Variants in ZDHHC18 observed in about 807,000 individuals in gnomAD.
ZDHHC18 encodes zDHHC palmitoyltransferase 18, also known as palmitoyltransferase ZDHHC18.
ZDHHC18 carries 23 observed loss-of-function variants against 37.5 expected under a neutral mutation model. That is an observed-to-expected ratio of 0.61 (90% CI 0.44 to 0.87). The LOEUF (loss-of-function observed/expected upper bound fraction) is 0.87, where lower values mean the gene tolerates loss of function less well. Ranked by LOEUF, ZDHHC18 falls within the 40% of genes least tolerant of loss-of-function variation. ZDHHC18 has a pLI of 0.00. For missense variants in ZDHHC18, 406 were observed against 525.6 expected, an observed-to-expected ratio of 0.77 and a Z score of 2.22; for synonymous variants, 185 against 218.7, an observed-to-expected ratio of 0.85 and a Z score of 1.36.
chr1:26,853,936 GC>G lies in ZDHHC18; in HGVS notation c.*95del. ...TATTCCATCCAAGGGAAGCAGAACT[GC>G]CAAAGACTCAAGTCTTTTCATATTT... On this transcript the variant is annotated 3_prime_UTR_variant, in exon 8 of 8. Transcript: ENST00000374142. The G allele has an allele frequency of 9.1e-7, 1 of 1,102,448 alleles. No individual in the cohort carries two copies. Among genetic ancestry groups the G allele is most frequent in the Non-Finnish European group, 1.4e-6 (1 of 739,946 alleles). The allele number at this position is 1,102,448 out of a possible 1,614,324, so 68.3% of individuals were successfully genotyped here.
chr1:26,827,119 C>G lies in ZDHHC18; in HGVS notation c.315C>G (p.Thr105=). 7.1e-7 allele frequency: 1 copy of G among 1,415,832 alleles called. No individual in the cohort carries two copies. The allele number at this position is 1,415,832 out of a possible 1,614,324, so 87.7% of individuals were successfully genotyped here. Reference sequence around the variant, plus strand: ...CGCTGCTGCTCATCCTCACCACCACCGGCCTCTTCTTCGTCTTTGAGTGAG... The same window carrying G: ...CGCTGCTGCTCATCCTCACCACCACGGGCCTCTTCTTCGTCTTTGAGTGAG... The part of the protein sequence containing the change: ...ALTLLLILTT[T]GLFFVFDCPY... Residue 105 remains threonine (T), a synonymous_variant, in exon 1 of 8, where the codon ACC becomes ACG. Coordinates refer to ENST00000374142, the MANE Select transcript of ZDHHC18 (RefSeq NM_032283.3).
chr1:26,829,537 C>A (rs1215505680), intron 1 of ZDHHC18, among the ~76,000 whole-genome samples: 2 of 152,156 alleles, frequency 1.3e-5, no homozygotes, highest in Non-Finnish European at 2.9e-5. Context: ...GCAAACCACT[C>A]CCCTCCTGCA....
Position 26,850,904 on chromosome 1 carries a change from C to G in ZDHHC18, c.834-225C>G, listed in dbSNP as rs893447226. Among the ~76,000 whole-genome samples the G allele has an allele frequency of 1.3e-5, 2 of 152,210 alleles. No individual in the cohort carries two copies. The highest frequency in any genetic ancestry group is 4.8e-5 in the African/African-American group (2 of 41,446). On this transcript the variant is annotated intron_variant, in intron 5 of 7. Transcript: ENST00000374142. This position sits in a 1 kb window ranked among gnomAD's most constrained non-coding sequence, Gnocchi z 6.1. The stretch of plus-strand genomic sequence containing the variant: ...TTGTGATTGGAACCCTCAGTTTTCT[C>G]TGCCGTCCATCACCCTGACCTTGTC...
At chr1:26,851,346 G>A (rs1260047008) in intron 6 of ZDHHC18, 115 bp downstream of exon 6, 1 of 997,400 alleles carries the variant, frequency 1.0e-6, no homozygotes, top group African/African-American at 1.6e-5. Flanking sequence ...CTGGGATAAT[G>A]CCTTTTAAGC....
intron 2 of ZDHHC18, among the ~76,000 whole-genome samples, chr1:26,838,657 T>G (rs2081624482): frequency 6.6e-6 from 1 of 152,264 alleles, no homozygotes; most frequent in African/African-American, 2.4e-5. Context: ...TAGAGATTGA[T>G]CAGCTTCTTA....
intron 1 of ZDHHC18, among the ~76,000 whole-genome samples, chr1:26,829,147 A>G (rs1020690961): frequency 6.6e-6 from 1 of 152,094 alleles, no homozygotes; most frequent in African/African-American, 2.4e-5. Context: ...GTTTGGGCCG[A>G]GAGCTCACCT....
intron 2 of ZDHHC18, among the ~76,000 whole-genome samples, chr1:26,840,153 C>T (rs1202356512): frequency 6.6e-6 from 1 of 152,140 alleles, no homozygotes; most frequent in Non-Finnish European, 1.5e-5. Flanking sequence ...GGCTTGGGTT[C>T]CCCTCTCCCC....
In ZDHHC18 at chr1:26,855,886, C is replaced by T. The variant is rs990131913; in HGVS notation, c.*2043C>T. 9.8e-6 allele frequency: 2 copies of T among 204,874 alleles called. No homozygotes were observed. Among genetic ancestry groups the T allele is most frequent in the South Asian group, 1.3e-4 (2 of 15,868 alleles). 12.7% of individuals were successfully genotyped at this position (204,874 alleles called of 1,614,324 possible). A position where few individuals can be genotyped will look rare whatever the true frequency, so the allele number is the denominator to read the frequency against. On this transcript the variant is annotated 3_prime_UTR_variant, in exon 8 of 8. Coordinates refer to ENST00000374142, the MANE Select transcript of ZDHHC18 (RefSeq NM_032283.3). ...CCTCACCTGGCTGGAGCTCTGTCCG[C>T]TGGAGGAAGAGCAGAGAGGGCTGCG...
rs1050430857 is a variant in ZDHHC18 at position 26,855,145 on chromosome 1, T to G, written c.*1302T>G. The G allele has an allele frequency of 1.3e-5, 2 of 152,280 alleles. No homozygotes were observed. The highest frequency in any genetic ancestry group is 2.4e-5 in the African/African-American group (1 of 41,450). 9.4% of individuals were successfully genotyped at this position (152,280 alleles called of 1,614,324 possible). On this transcript the variant is annotated 3_prime_UTR_variant, in exon 8 of 8. Transcript: ENST00000374142. ...CCAGCTGGGACCTGCCCAGACAGGCTGAGCCTGGGCGTGGTGGGTGGGGTG... is the reference window on the plus strand; with the variant it reads ...CCAGCTGGGACCTGCCCAGACAGGCGGAGCCTGGGCGTGGTGGGTGGGGTG...
Position 26,848,616 on chromosome 1 carries a change from G to A in ZDHHC18, c.505G>A (p.Gly169Ser), listed in dbSNP as rs1215182852. The change falls in exon 3 of 8, where the codon GGC (glycine) becomes AGC (serine). Residue 169 changes from glycine to serine, a missense_variant. Transcript: ENST00000374142. Reference protein sequence around the residue: ...AALEKQIDNTGSSTYRPPPRT... With the variant: ...AALEKQIDNTSSSTYRPPPRT... Reference sequence around the variant, plus strand: ...TCTCCTCCTTCCCTCAGACAACACAGGCAGTTCTACATACCGGCCACCCCC... The same window carrying A: ...TCTCCTCCTTCCCTCAGACAACACAAGCAGTTCTACATACCGGCCACCCCC... 5 of 1,611,928 alleles carry A rather than the reference G, an allele frequency of 3.1e-6. No homozygotes were observed. In the East Asian group the frequency reaches 1.1e-4, roughly 36 times the overall value.
chr1:26,844,595 G>A (rs1031102326), intron 2 of ZDHHC18, among the ~76,000 whole-genome samples: 1 of 152,162 alleles, frequency 6.6e-6, no homozygotes, highest in Non-Finnish European at 1.5e-5. Context: ...TTTTCTGGGC[G>A]TGCATATGTT....
rs1355510777 is a variant in ZDHHC18, at chr1:26,856,244, CTT to C, written c.*2403_*2404del. 1 of 450,966 alleles carries C rather than the reference CTT, an allele frequency of 2.2e-6. No individual in the cohort carries two copies. The highest frequency in any genetic ancestry group is 1.6e-5 in the South Asian group (1 of 64,478). The allele number at this position is 450,966 out of a possible 1,614,324, so 27.9% of individuals were successfully genotyped here. ...CAGCCTGAGGGGAGCTAACAGGCCT[CTT>C]TGCAGAGGGTTAGCTGGTAAGACCG... On this transcript the variant is annotated 3_prime_UTR_variant, in exon 8 of 8. Coordinates refer to ENST00000374142, the MANE Select transcript of ZDHHC18 (RefSeq NM_032283.3). This position sits in a 1 kb window ranked among gnomAD's most constrained non-coding sequence, Gnocchi z 5.2.
chr1:26,832,398 C>T, intron 1 of ZDHHC18, 49 bp from the exon 2 acceptor site: 1 of 1,606,628 alleles, frequency 6.2e-7, no homozygotes, highest in Non-Finnish European at 8.5e-7. Context: ...CCCTGTGCCG[C>T]AGGGAGCCCT....
chr1:26,830,582 A>C (rs981829019), intron 1 of ZDHHC18, among the ~76,000 whole-genome samples: 1 of 152,090 alleles, frequency 6.6e-6, no homozygotes, highest in African/African-American at 2.4e-5. Flanking sequence ...ACAGTAGTTT[A>C]TTAATTAGGG....
At chr1:26,846,321 T>A (rs1219023734) in intron 2 of ZDHHC18, among the ~76,000 whole-genome samples, 4 of 79,602 alleles carry the variant, frequency 5.0e-5, no homozygotes, top group South Asian at 1.0e-3. Flanking sequence ...TTTTTTTTTT[T>A]TTTTTTTTTT....
At chr1:26,844,910 A>C (rs1244600089) in intron 2 of ZDHHC18, among the ~76,000 whole-genome samples, 1 of 141,676 alleles carries the variant, frequency 7.1e-6, no homozygotes, top group East Asian at 2.0e-4. Context: ...ATTTCTTTAC[A>C]TGGTTTTTTT....
At chr1:26,827,970 A>G (rs538451576) in intron 1 of ZDHHC18, among the ~76,000 whole-genome samples, 1 of 152,176 alleles carries the variant, frequency 6.6e-6, no homozygotes, top group South Asian at 2.1e-4. Context: ...CCACATCAGC[A>G]ACAGCTGCGG....
At chr1:26,844,167 G>T (rs1227122922) in intron 2 of ZDHHC18, among the ~76,000 whole-genome samples, 2 of 152,122 alleles carry the variant, frequency 1.3e-5, no homozygotes, top group Non-Finnish European at 2.9e-5. Flanking sequence ...AGCCTCCCGA[G>T]TAGCTGGGAT....
intron 1 of ZDHHC18, among the ~76,000 whole-genome samples, chr1:26,828,536 C>T (rs1001612923): frequency 2.6e-5 from 4 of 152,026 alleles, no homozygotes; most frequent in African/African-American, 9.7e-5. Context: ...AAAAACACTT[C>T]CCAAGGGCAT....
Sources: gnomAD v4.1 joint callset for allele counts (sites outside exome capture counted in the v4.1 genomes callset) on GRCh38, gnomAD v4.1.1 for gene constraint, Gnocchi (gnomAD v3.1) non-coding constraint, MANE v1.5 for transcripts, NCBI Gene and HGNC (gene_info 2026-07-23, HGNC 2026-07-21) for gene names.